Variants in PLOD1 observed in about 807,000 individuals in gnomAD.
PLOD1 encodes lysine hydroxylase.
In PLOD1, 70 loss-of-function variants were observed where a neutral mutation model predicts 94.7. The observed-to-expected ratio is 0.74, with a 90% CI of 0.61 to 0.90. The LOEUF (loss-of-function observed/expected upper bound fraction) is 0.90, where lower values mean the gene tolerates loss of function less well. Ranked by LOEUF, PLOD1 falls within the 40% of genes least tolerant of loss-of-function variation. The pLI, the probability that PLOD1 is intolerant of heterozygous loss-of-function variation, is 0.00. For missense variants in PLOD1, 905 were observed against 972.7 expected (o/e 0.93, Z 0.93); for synonymous variants, 417 against 400.2 (o/e 1.04, Z -0.50).
chr1:11,965,776 G>A lies in PLOD1; in HGVS notation c.1584+183G>A, dbSNP rs958558490. Among the ~76,000 whole-genome samples, 7 of 152,168 alleles carry A rather than the reference G, an allele frequency of 4.6e-5. 1 individual carries two copies. The South Asian group carries it at 8.3e-4, about 18-fold the overall frequency. On this transcript the variant is annotated intron_variant, in intron 14 of 18. Transcript: ENST00000196061. Reference sequence around the variant, plus strand: ...TAGGGAGAGAAGGGTGTCCAGAGAGGCAACACCATCTATTGGAGGAGGGAC... The same window carrying A: ...TAGGGAGAGAAGGGTGTCCAGAGAGACAACACCATCTATTGGAGGAGGGAC...
In PLOD1 at chr1:11,958,293, C is replaced by T. The variant is rs1645753469; in HGVS notation, c.844-223C>T. The stretch of plus-strand genomic sequence containing the variant: ...CTGACAGCAGGCCCTCAACCGAGTC[C>T]TTGTTCCAGGCCTGGGCTCCTGCTG... On this transcript the variant is annotated intron_variant, in intron 8 of 18. Transcript: ENST00000196061. This position sits in a 1 kb window ranked among gnomAD's most constrained non-coding sequence, Gnocchi z 4.3. Among the ~76,000 whole-genome samples the T allele has an allele frequency of 6.6e-6, 1 of 152,144 alleles. No homozygotes were observed. Among genetic ancestry groups the T allele is most frequent in the South Asian group, 2.1e-4 (1 of 4,826 alleles).
intron 4 of PLOD1, among the ~76,000 whole-genome samples, chr1:11,951,601 T>C (rs566423383): frequency 4.1e-5 from 6 of 146,268 alleles, no homozygotes; most frequent in Admixed American, 1.4e-4. Context: ...AAATATATTA[T>C]ATATATTATA....
At position 11,956,941 on chromosome 1, in the gene PLOD1, T is replaced by C. The variant is rs377072582; in HGVS notation, c.668T>C (p.Met223Thr). ...GATGAGGTCGTGCTCAAGTTTGAAATGGGCCATGTGAGAGCGAGGAACCTG... is the reference window on the plus strand; with the variant it reads ...GATGAGGTCGTGCTCAAGTTTGAAACGGGCCATGTGAGAGCGAGGAACCTG... ...ALDEVVLKFEMGHVRARNLAY... is the reference protein window; with the variant it reads ...ALDEVVLKFETGHVRARNLAY... Residue 223 changes from methionine to threonine, a missense_variant, in exon 7 of 19, where the codon ATG (methionine) becomes ACG (threonine). By Grantham distance (81) the Met-to-Thr change is moderately conservative. Transcript: ENST00000196061. 8 of 1,613,618 alleles carry C rather than the reference T, an allele frequency of 5.0e-6. No individual in the cohort carries two copies. In the African/African-American group the frequency reaches 6.7e-5, roughly 13 times the overall value.
At position 11,967,601 on chromosome 1, in the gene PLOD1, A is replaced by C. The variant is rs866219562; in HGVS notation, c.1755+510A>C. ...TCTTTTCATGTGTGTGTGTGTGTAT[A>C]TATATATATATATAAAAAGAAATAT... On this transcript the variant is annotated intron_variant, in intron 16 of 18. Transcript: ENST00000196061. 4.2e-5 allele frequency among the ~76,000 whole-genome samples: 5 copies of C among 120,002 alleles called. 1 individual carries two copies. Among genetic ancestry groups the C allele is most frequent in the Admixed American group, 1.6e-4 (2 of 12,460 alleles). The allele number at this position is 120,002 out of a possible 152,430, so 78.7% of individuals were successfully genotyped here.
chr1:11,941,339 CTT>C (rs1237526365), intron 1 of PLOD1, among the ~76,000 whole-genome samples: 1 of 147,104 alleles, frequency 6.8e-6, no homozygotes, highest in Admixed American at 6.8e-5. Context: ...CATGTTGCTG[CTT>C]TTTTTTTTGA....
intron 5 of PLOD1, chr1:11,954,459 C>A: frequency 2.1e-6 from 1 of 486,270 alleles, no homozygotes; most frequent in Non-Finnish European, 4.2e-6. Flanking sequence ...GCACTCCAGC[C>A]TGGGTGACAA....
chr1:11,936,523 T>C (rs1017795839), intron 1 of PLOD1, among the ~76,000 whole-genome samples: 10 of 152,088 alleles, frequency 6.6e-5, no homozygotes, highest in African/African-American at 2.2e-4. Context: ...TTTTATTTTA[T>C]TTATTTAATT....
At position 11,974,888 on chromosome 1, in the gene PLOD1, A is replaced by G; in HGVS notation, c.*80A>G. The G allele has an allele frequency of 2.1e-6, 3 of 1,401,110 alleles. No homozygotes were observed. The highest frequency in any genetic ancestry group is 3.0e-6 in the Non-Finnish European group (3 of 986,082). 86.8% of individuals were successfully genotyped at this position (1,401,110 alleles called of 1,614,324 possible). A position where few individuals can be genotyped will look rare whatever the true frequency, so the allele number is the denominator to read the frequency against. On this transcript the variant is annotated 3_prime_UTR_variant, in exon 19 of 19. Transcript: ENST00000196061. ...GCAGCCTCTGGGACCTCGGGGTCCC[A>G]GGGAACCCAGTCCAGCCTCCTGGCT...
At position 11,953,135 on chromosome 1, in the gene PLOD1, A is replaced by G. The variant is rs117940723; in HGVS notation, c.579+400A>G. Among the ~76,000 whole-genome samples the G allele has an allele frequency of 7.9e-3, 1,209 of 152,076 alleles. 124 individuals carry two copies. The East Asian group carries it at 0.22, about 28-fold the overall frequency. ...CAGTGGTGCGATCTCGGCTCACTAC[A>G]GCCTCTACCTCCCTGGTTCAAGCGA... is the stretch of plus-strand genomic sequence containing the variant. On this transcript the variant is annotated intron_variant, in intron 5 of 18. Transcript: ENST00000196061.
intron 1 of PLOD1, among the ~76,000 whole-genome samples, chr1:11,936,851 C>CTTT (rs111736832): frequency 0.045 from 6,288 of 140,958 alleles, 452 homozygotes; most frequent in African/African-American, 0.15. Flanking sequence ...TCTTTTCTTT[C>CTTT]TTTTTTTTTT....
At chr1:11,953,768 G>A (rs1645719295) in intron 5 of PLOD1, among the ~76,000 whole-genome samples, 1 of 151,596 alleles carries the variant, frequency 6.6e-6, no homozygotes, top group South Asian at 2.1e-4. Flanking sequence ...CTGCAGCCTG[G>A]GTGACAAGAG....
chr1:11,971,155 G>T (rs1645860827), intron 17 of PLOD1, among the ~76,000 whole-genome samples: 1 of 102,276 alleles, frequency 9.8e-6, no homozygotes, highest in South Asian at 3.8e-4. Context: ...GACTGGAAGG[G>T]GCAGGAGTTG....
At chr1:11,956,103 A>G (rs1040066852) in intron 6 of PLOD1, among the ~76,000 whole-genome samples, 2 of 146,410 alleles carry the variant, frequency 1.4e-5, no homozygotes, top group African/African-American at 5.0e-5. Context: ...AGGGTCAAAC[A>G]TGGGTATTGG....
At chr1:11,936,556 T>C (rs528016830) in intron 1 of PLOD1, among the ~76,000 whole-genome samples, 1 of 152,070 alleles carries the variant, frequency 6.6e-6, no homozygotes, top group Non-Finnish European at 1.5e-5. Flanking sequence ...AGTGTTTCAC[T>C]GTGTCCCCCA....
At chr1:11,973,615 T>C (rs1442756235) in intron 18 of PLOD1, among the ~76,000 whole-genome samples, 2 of 151,780 alleles carry the variant, frequency 1.3e-5, no homozygotes, top group Non-Finnish European at 2.9e-5. Context: ...GGTCTTGCTC[T>C]GTCACCCAGG....
At chr1:11,936,959 T>G (rs552480360) in intron 1 of PLOD1, among the ~76,000 whole-genome samples, 4 of 152,036 alleles carry the variant, frequency 2.6e-5, no homozygotes, top group Non-Finnish European at 4.4e-5. Context: ...GCGATTCTCC[T>G]GCCTCAATCT....
Position 11,974,723 on chromosome 1 carries a change from A to AC in PLOD1, c.2102dup (p.Gly702TrpfsTer8). The AC allele has an allele frequency of 1.2e-6, 2 of 1,613,668 alleles. No homozygotes were observed. On this transcript the variant is annotated frameshift_variant, in exon 19 of 19. Transcript: ENST00000196061. LOFTEE classifies it high-confidence loss of function. ...CCAAGGAAGGGCTGGACCCTCATGC[A>AC]CCCTGGACGACTCACGCATTACCAT...
intron 1 of PLOD1, among the ~76,000 whole-genome samples, chr1:11,943,908 G>A (rs114739517): frequency 0.043 from 6,491 of 152,226 alleles, 448 homozygotes; most frequent in African/African-American, 0.15. Flanking sequence ...TTCCTAACTG[G>A]AAAGTCGGGG....
intron 10 of PLOD1, among the ~76,000 whole-genome samples, chr1:11,961,740 G>C (rs1369692815): frequency 6.6e-6 from 1 of 152,174 alleles, no homozygotes; most frequent in Non-Finnish European, 1.5e-5. Flanking sequence ...CCCCCAAGAA[G>C]CTGGGACTAC....
Sources: gnomAD v4.1 joint callset for allele counts (sites outside exome capture counted in the v4.1 genomes callset) on GRCh38, gnomAD v4.1.1 for gene constraint, Gnocchi (gnomAD v3.1) non-coding constraint, MANE v1.5 for transcripts, NCBI Gene and HGNC (gene_info 2026-07-23, HGNC 2026-07-21) for gene names.